Variants in RPGR observed in about 807,000 individuals in gnomAD.
RPGR encodes X-linked retinitis pigmentosa GTPase regulator.
In RPGR, 10 loss-of-function variants were observed where a neutral mutation model predicts 56.3. The ratio of observed to expected loss-of-function variants is 0.18; its 90% CI spans 0.11 to 0.30. RPGR has a LOEUF of 0.30. Ranked by LOEUF, RPGR falls within the 10% of genes least tolerant of loss-of-function variation. RPGR has a pLI of 1.00. For synonymous variants in RPGR, 197 were observed against 212.9 expected, an observed-to-expected ratio of 0.93 and a Z score of 0.65; for missense variants, 538 against 590.9, an observed-to-expected ratio of 0.91 and a Z score of 0.93.
At chrX:38,277,464 TGA>T (rs2066955757) in intron 15 of RPGR, among the ~76,000 whole-genome samples, 1 of 110,296 alleles carries the variant, frequency 9.1e-6, no homozygotes, top group Non-Finnish European at 1.9e-5. Flanking sequence ...TATTCTACAC[TGA>T]GATTTCTTTT....
chrX:38,269,590 A>G lies in RPGR; in HGVS notation c.*36T>C, dbSNP rs778496830. On this transcript the variant is annotated 3_prime_UTR_variant, in exon 19 of 19. Coordinates refer to ENST00000642395, the MANE Select transcript of RPGR (RefSeq NM_000328.3). Reference sequence around the variant, plus strand: ...ATAACATTTTTCAAGTATACATTACAATACACTTGGTGACTGTGAAAACAT... The same window carrying G: ...ATAACATTTTTCAAGTATACATTACGATACACTTGGTGACTGTGAAAACAT... 14 of 1,019,172 alleles carry G rather than the reference A, an allele frequency of 1.4e-5. No homozygotes were observed. The South Asian group carries it at 2.3e-4, about 17-fold the overall frequency. 84.0% of individuals were successfully genotyped at this position (1,019,172 alleles called of 1,213,427 possible).
chrX:38,281,473 A>C (rs1338953289), intron 15 of RPGR, among the ~76,000 whole-genome samples: 1 of 112,189 alleles, frequency 8.9e-6, no homozygotes, highest in Admixed American at 9.5e-5. Context: ...TTATTCCCAC[A>C]GATCTATTTC....
chrX:38,269,668 T>A lies in RPGR; in HGVS notation c.2406A>T (p.Pro802=). The A allele has an allele frequency of 8.3e-7, 1 of 1,209,024 alleles. No homozygotes were observed. The highest frequency in any genetic ancestry group is 2.3e-4 in the Middle Eastern group (1 of 4,342). The change falls in exon 19 of 19, where the codon CCA becomes CCT. Residue 802 remains proline, a synonymous_variant. Transcript: ENST00000642395. ...ATTTTGATCTTCTCTCTGTATTTGT[T>A]GGTGGGATATTCTGATGATTCTGAC...
intron 1 of RPGR, among the ~76,000 whole-genome samples, chrX:38,324,786 A>T (rs767879660): frequency 3.9e-5 from 4 of 101,956 alleles, no homozygotes; most frequent in Non-Finnish European, 8.0e-5. Flanking sequence ...TACACAAATC[A>T]GCAAGATTTG....
intron 7 of RPGR, among the ~76,000 whole-genome samples, chrX:38,308,492 T>C (rs979932482): frequency 2.7e-5 from 3 of 111,086 alleles, no homozygotes; most frequent in African/African-American, 9.8e-5. Flanking sequence ...AAAAATGTTT[T>C]ATAATGAATG....
In RPGR at chrX:38,290,948, T is replaced by C. The variant is rs62635008; in HGVS notation, c.1572+11A>G. On this transcript the variant is annotated intron_variant, in intron 13 of 18. Transcript: ENST00000642395. ...CACCAACAATAACGAAAATAAATCT[T>C]CATATTATACCTTTTGTTTCTGAAC... The C allele has an allele frequency of 0.065, 61,797 of 952,665 alleles. 2,328 individuals are homozygous for C. Among genetic ancestry groups the C allele is most frequent in the Admixed American group, 0.2 (8,352 of 42,322 alleles). The allele number at this position is 952,665 out of a possible 1,213,427, so 78.5% of individuals were successfully genotyped here.
At chrX:38,312,705 A>T (rs2067744093) in intron 6 of RPGR, among the ~76,000 whole-genome samples, 1 of 111,713 alleles carries the variant, frequency 9.0e-6, no homozygotes, top group African/African-American at 3.3e-5. Context: ...GCAGTTTGGG[A>T]GGCCGAGGCT....
At chrX:38,298,833 TA>T in intron 10 of RPGR, 122 bp downstream of exon 10, 3 of 764,207 alleles carry the variant, frequency 3.9e-6, no homozygotes, top group Non-Finnish European at 5.8e-6. Context: ...TCAACTCTAA[TA>T]ATTTTATGTA....
chrX:38,276,823 C>T (rs372957543), intron 15 of RPGR: 14 of 1,028,283 alleles, frequency 1.4e-5, no homozygotes, highest in African/African-American at 7.5e-5. Flanking sequence ...TGTTAAAAAA[C>T]GAGGGATTTG....
chrX:38,280,236 C>T (rs55860914), intron 15 of RPGR, among the ~76,000 whole-genome samples: 17,559 of 111,211 alleles, frequency 0.16, 1,266 homozygotes, highest in Middle Eastern at 0.28. Flanking sequence ...AGAGGCCCCT[C>T]CATAAAAAGT....
At chrX:38,285,889 TCTTCCTCTCCTTCCCCCTCTC>T in intron 15 of RPGR, 1 of 1,186,510 alleles carries the variant, frequency 8.4e-7, no homozygotes, top group Non-Finnish European at 1.1e-6. Context: ...CTCTCCTTCC[TCTTCCTCTCCTTCCCCCTCTC>T]CTTCCTCCCC....
In RPGR at chrX:38,302,415, C is replaced by T. The variant is rs2067517803; in HGVS notation, c.935-1044G>A. On this transcript the variant is annotated intron_variant, in intron 8 of 18. Transcript: ENST00000642395. ...AGAAAGCCTCTGAATCAAGAGCAAACGTGGCTCGGGCAAGAAGCTGAAAGG... is the reference window on the plus strand; with the variant it reads ...AGAAAGCCTCTGAATCAAGAGCAAATGTGGCTCGGGCAAGAAGCTGAAAGG... 2.7e-5 allele frequency among the ~76,000 whole-genome samples: 3 copies of T among 111,180 alleles called. No homozygotes were observed. In the Admixed American group the frequency reaches 2.9e-4, roughly 11 times the overall value.
At chrX:38,309,206 C>T (rs2067662032) in intron 7 of RPGR, among the ~76,000 whole-genome samples, 1 of 111,493 alleles carries the variant, frequency 9.0e-6, no homozygotes, top group Non-Finnish European at 1.9e-5. Context: ...AATGACATGT[C>T]ATAACAAATA....
At chrX:38,285,377 T>C in intron 15 of RPGR, 1 of 1,086,949 alleles carries the variant, frequency 9.2e-7, no homozygotes, top group South Asian at 2.4e-5. Context: ...CAGTGCCTCC[T>C]ATTGTCTTTG....
chrX:38,312,689 A>G (rs2067743645), intron 6 of RPGR, among the ~76,000 whole-genome samples: 1 of 111,965 alleles, frequency 8.9e-6, no homozygotes, highest in South Asian at 3.7e-4. Context: ...CATGCCTGTA[A>G]TCCCAGCAGT....
intron 11 of RPGR, among the ~76,000 whole-genome samples, chrX:38,295,268 T>C (rs77164431): frequency 0.074 from 8,273 of 111,733 alleles, 413 homozygotes; most frequent in African/African-American, 0.16. Flanking sequence ...CTCTTTCTTA[T>C]CCTTTAGCTT....
At position 38,304,682 on chromosome X, in the gene RPGR, G is replaced by A. The variant is rs41309615; in HGVS notation, c.887C>T (p.Thr296Ile). The A allele has an allele frequency of 1.7e-6, 2 of 1,199,373 alleles. No homozygotes were observed. Among genetic ancestry groups the A allele is most frequent in the Non-Finnish European group, 2.3e-6 (2 of 885,804 alleles). The change falls in exon 8 of 19, where the codon ACA (threonine) becomes ATA (isoleucine). Residue 296 changes from threonine to isoleucine, a missense_variant. Thr to Ile is a moderately conservative substitution (Grantham distance 89). Coordinates refer to ENST00000642395, the MANE Select transcript of RPGR (RefSeq NM_000328.3). Reference sequence around the variant, plus strand: ...TTCTCCACAAGAAATATAACTTATTGTTTGATCCCTAATATTCTCAATGAC... The same window carrying A: ...TTCTCCACAAGAAATATAACTTATTATTTGATCCCTAATATTCTCAATGAC...
At chrX:38,294,688 T>C (rs781269281) in intron 11 of RPGR, among the ~76,000 whole-genome samples, 1 of 112,475 alleles carries the variant, frequency 8.9e-6, no homozygotes, top group Non-Finnish European at 1.9e-5. Context: ...GCTTAGTTCT[T>C]AAATTTCTTC....
At chrX:38,300,422 C>G (rs1231289766) in intron 9 of RPGR, among the ~76,000 whole-genome samples, 4 of 112,113 alleles carry the variant, frequency 3.6e-5, no homozygotes, top group Non-Finnish European at 7.5e-5. Flanking sequence ...CTAAACTTAA[C>G]TGGCAAAAAT....
Sources: allele counts gnomAD v4.1 joint callset (sites outside exome capture counted in the v4.1 genomes callset), GRCh38; gene constraint gnomAD v4.1.1; transcripts MANE v1.5; gene names NCBI Gene and HGNC (gene_info 2026-07-23, HGNC 2026-07-21).